Variants in CACNA1I observed in about 807,000 individuals in gnomAD.
CACNA1I encodes the protein voltage-dependent T-type calcium channel subunit alpha-1I.
A neutral mutation model predicts 201.6 loss-of-function variants in CACNA1I; 74 were observed. The observed-to-expected ratio is 0.37, with a 90% CI of 0.30 to 0.45. The LOEUF is 0.45. Among genes scored for constraint, CACNA1I ranks in the 20% least tolerant of loss-of-function variants. CACNA1I has a pLI of 1.00. For missense variants in CACNA1I, 2,346 were observed against 3,138.1 expected (o/e 0.75, Z 6.03); for synonymous variants, 1,431 against 1,345.2 (o/e 1.06, Z -1.40).
In CACNA1I at chr22:39,677,941, C is replaced by T; in HGVS notation, c.4934-46C>T. ...AGGCACCAGGTCAGGGTGAGCCCCG[C>T]AGGCACTCCGCCATCGGGCAGGGCT... On this transcript the variant is annotated intron_variant, in intron 30 of 36. Transcript: ENST00000402142. The surrounding 1 kb of genome is among the most constrained non-coding windows in gnomAD (Gnocchi z 4.8). 6.5e-7 allele frequency: 1 copy of T among 1,540,522 alleles called. No individual in the cohort carries two copies. Among genetic ancestry groups the T allele is most frequent in the Admixed American group, 1.9e-5 (1 of 51,612 alleles).
rs1934543324 is a variant in CACNA1I, at chr22:39,648,021, G to A, written c.1567+95G>A. The A allele has an allele frequency of 1.8e-6, 2 of 1,123,344 alleles. No homozygotes were observed. The highest frequency in any genetic ancestry group is 1.5e-5 in the African/African-American group (1 of 65,120). 69.6% of individuals were successfully genotyped at this position (1,123,344 alleles called of 1,614,324 possible). ...AAGGAAGTCGGCAGGCATGGGGACG[G>A]CGCTTGAGCAGCCGCGACCCTCTGC... On this transcript the variant is annotated intron_variant, in intron 9 of 36. Transcript: ENST00000402142. This position sits in a 1 kb window ranked among gnomAD's most constrained non-coding sequence, Gnocchi z 5.4.
At position 39,646,667 on chromosome 22, in the gene CACNA1I, G is replaced by T; in HGVS notation, c.1248G>T (p.Arg416=). 6.3e-7 allele frequency: 1 copy of T among 1,580,796 alleles called. No homozygotes were observed. The highest frequency in any genetic ancestry group is 8.6e-7 in the Non-Finnish European group (1 of 1,163,882). Residue 416 remains arginine, a synonymous_variant, in exon 8 of 37, where the codon CGG becomes CGT. Coordinates refer to ENST00000402142, the MANE Select transcript of CACNA1I (RefSeq NM_021096.4). ...QREHRLMLEQ[R]QRYLSSSTVA... Reference sequence around the variant, plus strand: ...AGCACCGGCTGATGCTGGAGCAGCGGCAGCGCTACCTGTCCTCCAGCACGG... The same window carrying T: ...AGCACCGGCTGATGCTGGAGCAGCGTCAGCGCTACCTGTCCTCCAGCACGG...
chr22:39,662,820 C>G lies in CACNA1I; in HGVS notation c.3417C>G (p.Pro1139=). Residue 1139 remains proline (P), a synonymous_variant, in exon 18 of 37, where the codon CCC becomes CCG. Transcript: ENST00000402142. ...GCAAGATGATCGACGTCTATAAGCC[C>G]GACTGGTGCGAGGTCCGCGAAGACT... ...RVRKMIDVYK[P]DWCEVREDWS... The G allele has an allele frequency of 1.2e-6, 2 of 1,602,294 alleles. No individual in the cohort carries two copies. Among genetic ancestry groups the G allele is most frequent in the Non-Finnish European group, 1.7e-6 (2 of 1,175,104 alleles).
chr22:39,659,446 C>G lies in CACNA1I; in HGVS notation c.2344C>G (p.His782Asp). 4.5e-6 allele frequency: 7 copies of G among 1,559,024 alleles called. No individual in the cohort carries two copies. The highest frequency in any genetic ancestry group is 6.1e-6 in the Non-Finnish European group (7 of 1,149,908). ...TCCTTTCCCCAGCATCCTTGGGATG[C>G]ATATTTTTGGCTGCAAGTTCAGCCT... ...FIFIFSILGMHIFGCKFSLRT... is the reference protein window; with the variant it reads ...FIFIFSILGMDIFGCKFSLRT... Residue 782 changes from histidine (H) to aspartate (D), a missense_variant, in exon 13 of 37, where the codon CAT becomes GAT. Physicochemically the swap from His to Asp is moderately conservative, Grantham distance 81. Transcript: ENST00000402142. This position sits in a 1 kb window ranked among gnomAD's most constrained non-coding sequence, Gnocchi z 4.3.
intron 1 of CACNA1I, among the ~76,000 whole-genome samples, chr22:39,590,419 A>G (rs1373165223): frequency 6.6e-6 from 1 of 152,170 alleles, no homozygotes; most frequent in Non-Finnish European, 1.5e-5. Context: ...ACCCCACTGC[A>G]TACAACACAG....
chr22:39,634,737 C>T lies in CACNA1I; in HGVS notation c.740+13C>T, dbSNP rs770293792. 1.9e-6 allele frequency: 3 copies of T among 1,610,076 alleles called. No homozygotes were observed. Among genetic ancestry groups the T allele is most frequent in the Non-Finnish European group, 1.7e-6 (2 of 1,177,136 alleles). On this transcript the variant is annotated intron_variant, in intron 5 of 36. Coordinates refer to ENST00000402142, the MANE Select transcript of CACNA1I (RefSeq NM_021096.4). ...AGAACTTCACCATGTGAGTTCATCCCCTGCCACCCATGCAGCTCCGGGGAC... is the reference window on the plus strand; with the variant it reads ...AGAACTTCACCATGTGAGTTCATCCTCTGCCACCCATGCAGCTCCGGGGAC...
intron 35 of CACNA1I, among the ~76,000 whole-genome samples, chr22:39,683,436 C>T (rs1935760407): frequency 6.6e-6 from 1 of 152,154 alleles, no homozygotes; most frequent in Non-Finnish European, 1.5e-5. Context: ...CTCAGCTGGC[C>T]AGGGTGGCTG....
intron 1 of CACNA1I, among the ~76,000 whole-genome samples, chr22:39,588,344 C>T (rs1932781360): frequency 6.8e-6 from 1 of 147,772 alleles, no homozygotes; most frequent in Non-Finnish European, 1.5e-5. Context: ...GCTCACAAAT[C>T]CTAATGTGCA....
rs763475024 is a variant in CACNA1I, at chr22:39,678,116, TG to T, written c.5055+11del. The T allele has an allele frequency of 6.2e-7, 1 of 1,609,830 alleles. No individual in the cohort carries two copies. Among genetic ancestry groups the T allele is most frequent in the South Asian group, 1.1e-5 (1 of 90,420 alleles). The stretch of plus-strand genomic sequence containing the variant: ...TGGAACGGGATCATGAAGGTACTCC[TG>T]GGCGGGCTGGGGTGGAGAAATCAGC... On this transcript the variant is annotated intron_variant, in intron 31 of 36. Transcript: ENST00000402142.
chr22:39,627,484 C>T (rs1933932640), intron 4 of CACNA1I, among the ~76,000 whole-genome samples: 1 of 152,240 alleles, frequency 6.6e-6, no homozygotes, highest in Admixed American at 6.5e-5. Flanking sequence ...GGTTAGTGCA[C>T]AGCGGGTGCC....
At position 39,648,942 on chromosome 22, in the gene CACNA1I, G is replaced by A. The variant is rs1411887907; in HGVS notation, c.1568-559G>A. ...CCTTGCGTGGAGGGAAGTCCCAGGG[G>A]CTTCTGGAGTGAGGGTCTGCCCTTG... On this transcript the variant is annotated intron_variant, in intron 9 of 36. Coordinates refer to ENST00000402142, the MANE Select transcript of CACNA1I (RefSeq NM_021096.4). The surrounding 1 kb of genome is among the most constrained non-coding windows in gnomAD (Gnocchi z 5.4). Among the ~76,000 whole-genome samples, 1 of 151,850 alleles carries A rather than the reference G, an allele frequency of 6.6e-6. No individual in the cohort carries two copies. The highest frequency in any genetic ancestry group is 1.5e-5 in the Non-Finnish European group (1 of 67,918).
intron 4 of CACNA1I, among the ~76,000 whole-genome samples, chr22:39,625,374 A>G (rs1181522659): frequency 2.0e-5 from 3 of 152,242 alleles, no homozygotes; most frequent in African/African-American, 7.2e-5. Flanking sequence ...GCAAAGCTCC[A>G]GCATGAACAA....
intron 4 of CACNA1I, among the ~76,000 whole-genome samples, chr22:39,631,058 C>T (rs1019648441): frequency 2.6e-5 from 4 of 152,184 alleles, no homozygotes; most frequent in African/African-American, 9.7e-5. Flanking sequence ...TGCACTTTCC[C>T]ATGGGGCGTA....
intron 34 of CACNA1I, 21 bp downstream of exon 34, chr22:39,681,073 C>A: frequency 6.2e-7 from 1 of 1,600,460 alleles, no homozygotes. Flanking sequence ...CTGGGGACTC[C>A]TGAGCAGGCG....
At chr22:39,652,913 C>T (rs1934690151) in intron 10 of CACNA1I, among the ~76,000 whole-genome samples, 1 of 152,162 alleles carries the variant, frequency 6.6e-6, no homozygotes. Flanking sequence ...TCAAAACAAA[C>T]AAAAAATTCC....
At chr22:39,674,140 G>GGCTCT in intron 29 of CACNA1I, 107 bp downstream of exon 29, 1 of 1,042,054 alleles carries the variant, frequency 9.6e-7, no homozygotes, top group Non-Finnish European at 1.4e-6. Context: ...GCCAGAGCCA[G>GGCTCT]GGCAGATGCT....
At chr22:39,627,389 G>T (rs993146636) in intron 4 of CACNA1I, among the ~76,000 whole-genome samples, 6 of 152,254 alleles carry the variant, frequency 3.9e-5, no homozygotes, top group African/African-American at 1.4e-4. Flanking sequence ...CGCACAGTCT[G>T]CAGGATCCTG....
At chr22:39,590,703 T>C (rs1932810720) in intron 1 of CACNA1I, among the ~76,000 whole-genome samples, 1 of 152,134 alleles carries the variant, frequency 6.6e-6, no homozygotes, top group Non-Finnish European at 1.5e-5. Context: ...ACCATGGGAG[T>C]GACCCTGGAA....
rs769964386 is a variant in CACNA1I at position 39,677,965 on chromosome 22, C to A, written c.4934-22C>A. ...GCAGGCACTCCGCCATCGGGCAGGG[C>A]TGACCTCCTCCCCGCTTCCAGTCTG... On this transcript the variant is annotated intron_variant, in intron 30 of 36. Transcript: ENST00000402142. This position sits in a 1 kb window ranked among gnomAD's most constrained non-coding sequence, Gnocchi z 4.8. 2 of 1,570,736 alleles carry A rather than the reference C, an allele frequency of 1.3e-6. No individual in the cohort carries two copies. Among genetic ancestry groups the A allele is most frequent in the Non-Finnish European group, 1.7e-6 (2 of 1,159,030 alleles).
Sources: allele counts gnomAD v4.1 joint callset (sites outside exome capture counted in the v4.1 genomes callset), GRCh38; gene constraint gnomAD v4.1.1; non-coding constraint Gnocchi (gnomAD v3.1); transcripts MANE v1.5; gene names NCBI Gene and HGNC (gene_info 2026-07-23, HGNC 2026-07-21).